The following ZBTB21 variants were observed in gnomAD, a reference collection of about 807,000 sequenced individuals.
The protein encoded by ZBTB21 is zinc finger and BTB domain containing 21, also known as zinc finger and BTB domain-containing protein 21.
ZBTB21 carries 10 observed loss-of-function variants against 39.8 expected under a neutral mutation model. The ratio of observed to expected loss-of-function variants is 0.25; its 90% CI spans 0.16 to 0.43. ZBTB21 has a LOEUF of 0.43. ZBTB21 is among the 20% of genes least tolerant of loss of function. ZBTB21 has a pLI of 1.00. For missense variants in ZBTB21, 1,221 were observed against 1,296.3 expected (o/e 0.94, Z 0.89); for synonymous variants, 551 against 498.8 (o/e 1.10, Z -1.40).
intron 1 of ZBTB21, among the ~76,000 whole-genome samples, chr21:42,006,618 C>A (rs1303222307): frequency 6.6e-6 from 1 of 152,054 alleles, no homozygotes; most frequent in Non-Finnish European, 1.5e-5. Flanking sequence ...CCTTTCAAAG[C>A]TCAGGTCAAG....
intron 2 of ZBTB21, among the ~76,000 whole-genome samples, chr21:41,996,717 C>T (rs891786931): frequency 6.6e-6 from 1 of 152,184 alleles, no homozygotes; most frequent in African/African-American, 2.4e-5. Flanking sequence ...TGGAATGATA[C>T]AGTTTGGCTG....
Position 42,007,320 on chromosome 21 carries a change from A to AGC in ZBTB21, c.-79+2931_-79+2932insGC, listed in dbSNP as rs1293286276. On this transcript the variant is annotated intron_variant, in intron 1 of 2. Transcript: ENST00000310826. ...GTTTTGCTGAAGTAAAGCGTATTACATCACTGCCCTGCTTTGGAGTACTGT... is the reference window on the plus strand; with the variant it reads ...GTTTTGCTGAAGTAAAGCGTATTACAGCTCACTGCCCTGCTTTGGAGTACTGT... 2.6e-5 allele frequency among the ~76,000 whole-genome samples: 4 copies of AGC among 152,354 alleles called. No individual in the cohort carries two copies. The East Asian group carries it at 7.7e-4, about 29-fold the overall frequency.
At chr21:42,002,503 G>A (rs935996791) in intron 2 of ZBTB21, 1 of 152,148 alleles carries the variant, frequency 6.6e-6, no homozygotes, top group Non-Finnish European at 1.5e-5. Context: ...CTGCTCTTCT[G>A]CTGTCAGATA....
At position 41,993,229 on chromosome 21, in the gene ZBTB21, G is replaced by A. The variant is rs375211172; in HGVS notation, c.867C>T (p.Pro289=). The part of the protein sequence containing the change: ...VLSVCSSSET[P]YLLKETNKGN... Reference sequence around the variant, plus strand: ...CTTTGTTAGTTTCTTTTAATAGATAGGGAGTCTCTGATGAGCTACAAACAG... The same window carrying A: ...CTTTGTTAGTTTCTTTTAATAGATAAGGAGTCTCTGATGAGCTACAAACAG... The change falls in exon 3 of 3, where the codon CCC becomes CCT. Residue 289 remains proline (P), a synonymous_variant. Transcript: ENST00000310826. The A allele has an allele frequency of 8.1e-6, 13 of 1,611,700 alleles. No homozygotes were observed. Among genetic ancestry groups the A allele is most frequent in the Non-Finnish European group, 1.1e-5 (13 of 1,180,032 alleles).
Position 41,991,986 on chromosome 21 carries a change from C to A in ZBTB21, c.2110G>T (p.Ala704Ser). The A allele has an allele frequency of 6.2e-7, 1 of 1,614,160 alleles. No homozygotes were observed. The highest frequency in any genetic ancestry group is 8.5e-7 in the Non-Finnish European group (1 of 1,180,034). Residue 704 changes from alanine (A) to serine (S), a missense_variant, in exon 3 of 3, where the codon GCT (alanine) becomes TCT (serine). By Grantham distance (99) the Ala-to-Ser change is moderately conservative. Around this residue, in one of 4 missense-constraint regions of ZBTB21, gnomAD observed 523 missense variants for 542.5 expected, o/e 0.96. Coordinates refer to ENST00000310826, the MANE Select transcript of ZBTB21 (RefSeq NM_001098402.2). The surrounding 1 kb of genome is among the most constrained non-coding windows in gnomAD (Gnocchi z 4.9). Reference sequence around the variant, plus strand: ...AGAGGAGCATGCTCTTTTGGTTTAGCAACTTTATTTACTCCAAGGGGTTTT... The same window carrying A: ...AGAGGAGCATGCTCTTTTGGTTTAGAAACTTTATTTACTCCAAGGGGTTTT... ...GEKPLGVNKV[A>S]KPKEHAPLAS...
chr21:41,998,035 G>A (rs1162649571), intron 2 of ZBTB21, among the ~76,000 whole-genome samples: 1 of 151,970 alleles, frequency 6.6e-6, no homozygotes, highest in African/African-American at 2.4e-5. Context: ...GAAATTGCAG[G>A]ATTAATAGGC....
Position 41,991,497 on chromosome 21 carries a change from C to G in ZBTB21, c.2599G>C (p.Asp867His). ...DSEDSSCLPEDLSLSKQLKIQ... is the reference protein window; with the variant it reads ...DSEDSSCLPEHLSLSKQLKIQ... ...TTCAGTTGCTTGGAAAGACTAAGGT[C>G]TTCGGGAAGACAAGAGGAATCTTCC... The change falls in exon 3 of 3, where the codon GAC becomes CAC. Residue 867 changes from aspartate (D) to histidine (H), a missense_variant. Asp to His is a moderately conservative substitution (Grantham distance 81). Transcript: ENST00000310826. This position sits in a 1 kb window ranked among gnomAD's most constrained non-coding sequence, Gnocchi z 4.9. 1 of 1,614,164 alleles carries G rather than the reference C, an allele frequency of 6.2e-7. No homozygotes were observed. Among genetic ancestry groups the G allele is most frequent in the Non-Finnish European group, 8.5e-7 (1 of 1,180,044 alleles).
At chr21:41,999,317 G>A (rs1174710060) in intron 2 of ZBTB21, among the ~76,000 whole-genome samples, 2 of 152,200 alleles carry the variant, frequency 1.3e-5, no homozygotes, top group East Asian at 3.8e-4. Flanking sequence ...GGACAGAGTA[G>A]AAAATATCAG....
rs2065616236 is a variant in ZBTB21, at chr21:41,989,071, AG to A, written c.*1823del. 6.6e-6 allele frequency: 1 copy of A among 152,190 alleles called. No homozygotes were observed. The highest frequency in any genetic ancestry group is 1.5e-5 in the Non-Finnish European group (1 of 67,998). 9.4% of individuals were successfully genotyped at this position (152,190 alleles called of 1,614,324 possible). On this transcript the variant is annotated 3_prime_UTR_variant, in exon 3 of 3. Coordinates refer to ENST00000310826, the MANE Select transcript of ZBTB21 (RefSeq NM_001098402.2). Reference sequence around the variant, plus strand: ...CTTTAGTTTTATCCTTAAAATGCATAGATTTCTTTAAGAAAACAAAGATGGC... The same window carrying A: ...CTTTAGTTTTATCCTTAAAATGCATAATTTCTTTAAGAAAACAAAGATGGC...
At chr21:42,010,108 G>C in intron 1 of ZBTB21, 144 bp downstream of exon 1, 1 of 388,096 alleles carries the variant, frequency 2.6e-6, no homozygotes, top group Middle Eastern at 6.5e-4. Flanking sequence ...GAAGCGCTCG[G>C]AGCCCGCAAC....
At chr21:42,003,449 T>A (rs569086809) in intron 1 of ZBTB21, among the ~76,000 whole-genome samples, 1 of 152,122 alleles carries the variant, frequency 6.6e-6, no homozygotes, top group African/African-American at 2.4e-5. Context: ...AGCAATTAAT[T>A]TGGCCAGGGT....
chr21:42,006,220 G>C (rs1222151753), intron 1 of ZBTB21, among the ~76,000 whole-genome samples: 1 of 152,106 alleles, frequency 6.6e-6, no homozygotes, highest in Admixed American at 6.5e-5. Flanking sequence ...TTCGAGACCA[G>C]CCTGGCCAAC....
At chr21:42,004,080 A>G (rs1601654578) in intron 1 of ZBTB21, among the ~76,000 whole-genome samples, 2 of 150,882 alleles carry the variant, frequency 1.3e-5, no homozygotes, top group African/African-American at 4.9e-5. Context: ...GCTCACTGCA[A>G]CCTCCGCCTC....
intron 1 of ZBTB21, among the ~76,000 whole-genome samples, chr21:42,005,785 T>C (rs994361309): frequency 1.3e-5 from 2 of 152,042 alleles, no homozygotes; most frequent in African/African-American, 4.8e-5. Context: ...TGGTTAGATT[T>C]ATCTGAAATA....
rs139182831 is a variant in ZBTB21, at chr21:42,007,387, G to A, written c.-79+2865C>T. Among the ~76,000 whole-genome samples the A allele has an allele frequency of 6.7e-3, 1,024 of 152,236 alleles. 11 individuals are homozygous for A. The highest frequency in any genetic ancestry group is 0.022 in the African/African-American group (908 of 41,536). On this transcript the variant is annotated intron_variant, in intron 1 of 2. Coordinates refer to ENST00000310826, the MANE Select transcript of ZBTB21 (RefSeq NM_001098402.2). ...CTAAAGAAAATCCAAACTACAGACT[G>A]GCATACAAGACTTTTCATACTCTGG...
Position 41,991,855 on chromosome 21 carries a change from C to G in ZBTB21, c.2241G>C (p.Ala747=). The G allele has an allele frequency of 6.2e-7, 1 of 1,614,198 alleles. No individual in the cohort carries two copies. Among genetic ancestry groups the G allele is most frequent in the Non-Finnish European group, 8.5e-7 (1 of 1,180,052 alleles). The change falls in exon 3 of 3, where the codon GCG becomes GCC. Residue 747 remains alanine, a synonymous_variant. Coordinates refer to ENST00000310826, the MANE Select transcript of ZBTB21 (RefSeq NM_001098402.2). The surrounding 1 kb of genome is among the most constrained non-coding windows in gnomAD (Gnocchi z 4.9). The part of the protein sequence containing the change: ...QGSHERLCRN[A]AVCPYCSLRF... Reference sequence around the variant, plus strand: ...TGAGGCTGCAGTAAGGGCAGACGGCCGCGTTCCGGCACAGCCGCTCGTGGC... The same window carrying G: ...TGAGGCTGCAGTAAGGGCAGACGGCGGCGTTCCGGCACAGCCGCTCGTGGC...
At chr21:42,005,488 T>C (rs1036710683) in intron 1 of ZBTB21, among the ~76,000 whole-genome samples, 12 of 152,230 alleles carry the variant, frequency 7.9e-5, no homozygotes, top group Non-Finnish European at 1.6e-4. Flanking sequence ...TCCTTCTTCC[T>C]GGCCCAGTTT....
intron 2 of ZBTB21, among the ~76,000 whole-genome samples, chr21:42,001,586 G>A (rs895121480): frequency 3.9e-5 from 6 of 152,186 alleles, no homozygotes; most frequent in African/African-American, 1.2e-4. Context: ...CAGGAAGGGC[G>A]TTCTACGAAG....
At position 42,006,682 on chromosome 21, in the gene ZBTB21, T is replaced by G. The variant is rs138109328; in HGVS notation, c.-79+3570A>C. ...ATGGGTTGAATTGTGTCCCCACTCT[T>G]CCCTCCCAAATTTATATGATAAAGA... On this transcript the variant is annotated intron_variant, in intron 1 of 2. Transcript: ENST00000310826. 8.6e-4 allele frequency among the ~76,000 whole-genome samples: 131 copies of G among 152,228 alleles called. 1 individual carries two copies. The Middle Eastern group carries it at 0.01, about 12-fold the overall frequency.
Sources: allele counts gnomAD v4.1 joint callset (sites outside exome capture counted in the v4.1 genomes callset), GRCh38; gene constraint gnomAD v4.1.1; regional missense constraint gnomAD v4.1.1; non-coding constraint Gnocchi (gnomAD v3.1); transcripts MANE v1.5; gene names NCBI Gene and HGNC (gene_info 2026-07-23, HGNC 2026-07-21).